MSRB3: variants seen among roughly 807,000 people sequenced by gnomAD.
MSRB3 encodes methionine sulfoxide reductase B3, also known as methionine-R-sulfoxide reductase B3.
MSRB3 carries 13 observed loss-of-function variants against 21.0 expected under a neutral mutation model. The observed-to-expected ratio is 0.62, with a 90% confidence interval of 0.40 to 0.98. MSRB3 has a LOEUF of 0.98. Among genes scored for constraint, MSRB3 ranks in the 50% least tolerant of loss-of-function variants. The pLI is 0.00. For missense variants in MSRB3, 199 were observed against 230.3 expected (o/e 0.86, Z 0.88); for synonymous variants, 87 against 88.6 (o/e 0.98, Z 0.10).
At chr12:65,344,526 G>A (rs1490800111) in intron 4 of MSRB3, among the ~76,000 whole-genome samples, 1 of 151,928 alleles carries the variant, frequency 6.6e-6, no homozygotes, top group Admixed American at 6.6e-5. Context: ...ACTTTAAAAG[G>A]TTTATAGACA....
intron 4 of MSRB3, among the ~76,000 whole-genome samples, chr12:65,354,700 A>C (rs892586335): frequency 6.6e-6 from 1 of 151,968 alleles, no homozygotes; most frequent in East Asian, 1.9e-4. Context: ...CATGGAAGGA[A>C]TGAATAAGGC....
chr12:65,465,556 A>G lies in MSRB3; in HGVS notation c.*2234A>G, dbSNP rs1020530833. On this transcript the variant is annotated 3_prime_UTR_variant, in exon 7 of 7. Transcript: ENST00000308259. Reference sequence around the variant, plus strand: ...TTCCTACATGTCTCTCTCTACAAGCACCTCTCTAAGAAGCCTGACATCCCG... The same window carrying G: ...TTCCTACATGTCTCTCTCTACAAGCGCCTCTCTAAGAAGCCTGACATCCCG... The G allele has an allele frequency of 6.6e-6, 1 of 151,862 alleles. No individual in the cohort carries two copies. Among genetic ancestry groups the G allele is most frequent in the Non-Finnish European group, 1.5e-5 (1 of 67,952 alleles). The allele number at this position is 151,862 out of a possible 1,614,324, so 9.4% of individuals were successfully genotyped here. A position where few individuals can be genotyped will look rare whatever the true frequency, so the allele number is the denominator to read the frequency against.
chr12:65,349,062 C>T (rs865819576), intron 4 of MSRB3, among the ~76,000 whole-genome samples: 6 of 152,076 alleles, frequency 3.9e-5, no homozygotes, highest in South Asian at 4.1e-4. Flanking sequence ...TCCCCCTTCT[C>T]CCCACCCCAC....
chr12:65,385,370 A>G (rs1879152588), intron 5 of MSRB3, among the ~76,000 whole-genome samples: 1 of 151,972 alleles, frequency 6.6e-6, no homozygotes, highest in South Asian at 2.1e-4. Flanking sequence ...TTTCATTATT[A>G]TTTGCGTATT....
chr12:65,396,699 AAAAAAAAAGAAAGAAAGAAAGAAAG>A (rs1409894750), intron 5 of MSRB3, among the ~76,000 whole-genome samples: 7 of 25,050 alleles, frequency 2.8e-4, no homozygotes, highest in Middle Eastern at 0.014. Context: ...CTCAAAAAAA[AAAAAAAAAGAAAGAAAGAAAGAAAG>A]AAAGAAAGAA....
chr12:65,318,733 A>G (rs972779651), intron 2 of MSRB3, among the ~76,000 whole-genome samples: 3 of 152,186 alleles, frequency 2.0e-5, no homozygotes, highest in Middle Eastern at 3.2e-3. Flanking sequence ...AAGACATTTT[A>G]AAAATATTTC....
intron 5 of MSRB3, among the ~76,000 whole-genome samples, chr12:65,446,401 T>C (rs1406884821): frequency 2.6e-5 from 4 of 152,226 alleles, no homozygotes; most frequent in African/African-American, 9.6e-5. Context: ...AAACTTACAC[T>C]GATTTTGATA....
At chr12:65,443,108 A>C (rs956390607) in intron 5 of MSRB3, among the ~76,000 whole-genome samples, 2 of 152,160 alleles carry the variant, frequency 1.3e-5, no homozygotes, top group Non-Finnish European at 2.9e-5. Flanking sequence ...ACTGTGGATG[A>C]AATCCATACC....
chr12:65,404,959 CTT>C (rs762041398), intron 5 of MSRB3, among the ~76,000 whole-genome samples: 9 of 142,296 alleles, frequency 6.3e-5, no homozygotes, highest in African/African-American at 7.7e-5. Flanking sequence ...TTCTACTCAA[CTT>C]TTTTTTTTTT....
chr12:65,306,550 A>G (rs189441651), intron 1 of MSRB3, among the ~76,000 whole-genome samples: 1 of 152,236 alleles, frequency 6.6e-6, no homozygotes, highest in African/African-American at 2.4e-5. Flanking sequence ...ACATTCTTTT[A>G]GGATTAGAAA....
intron 5 of MSRB3, among the ~76,000 whole-genome samples, chr12:65,396,696 A>AG (rs1555209314): frequency 1.4e-3 from 34 of 23,496 alleles, no homozygotes; most frequent in African/African-American, 3.7e-3. Context: ...CATCTCAAAA[A>AG]AAAAAAAAAA....
intron 5 of MSRB3, among the ~76,000 whole-genome samples, chr12:65,440,585 C>T (rs28429120): frequency 6.6e-6 from 1 of 151,818 alleles, no homozygotes; most frequent in South Asian, 2.1e-4. Flanking sequence ...TATCAAAAGA[C>T]TATATAATGC....
At chr12:65,421,657 T>C (rs930059443) in intron 5 of MSRB3, among the ~76,000 whole-genome samples, 6 of 152,204 alleles carry the variant, frequency 3.9e-5, no homozygotes, top group African/African-American at 1.4e-4. Flanking sequence ...AGAAATAAGA[T>C]CTTTTTCAGA....
intron 5 of MSRB3, among the ~76,000 whole-genome samples, chr12:65,404,737 A>T (rs1275798270): frequency 2.6e-5 from 4 of 152,186 alleles, no homozygotes; most frequent in Non-Finnish European, 4.4e-5. Context: ...TAATTTATAT[A>T]TACATACCAC....
intron 4 of MSRB3, among the ~76,000 whole-genome samples, chr12:65,352,605 C>T (rs1877089762): frequency 6.6e-6 from 1 of 151,942 alleles, no homozygotes. Flanking sequence ...TGATAGGCAA[C>T]TTCAGCAAAG....
chr12:65,420,464 T>A (rs1009086057), intron 5 of MSRB3, among the ~76,000 whole-genome samples: 3 of 151,980 alleles, frequency 2.0e-5, no homozygotes, highest in African/African-American at 4.8e-5. Flanking sequence ...TTTATTTTTT[T>A]AAATTTTTAA....
chr12:65,350,365 A>C (rs974280126), intron 4 of MSRB3, among the ~76,000 whole-genome samples: 1 of 151,428 alleles, frequency 6.6e-6, no homozygotes, highest in Non-Finnish European at 1.5e-5. Context: ...CTTTGCCAAA[A>C]TGTAAAGACC....
chr12:65,376,528 A>T (rs906965926), intron 5 of MSRB3, among the ~76,000 whole-genome samples: 2 of 152,168 alleles, frequency 1.3e-5, no homozygotes, highest in African/African-American at 4.8e-5. Flanking sequence ...TGTAGAGAAC[A>T]TTACTGCAAA....
chr12:65,307,859 T>C lies in MSRB3; in HGVS notation c.-51-670T>C, dbSNP rs116602951. ...ATATTTGCCATGCTTTATTCGAACT[T>C]AACGCTGTTTTGAAAGTGAAGTCCC... On this transcript the variant is annotated intron_variant, in intron 1 of 6. Transcript: ENST00000308259. Among the ~76,000 whole-genome samples, 1,246 of 152,290 alleles carry C rather than the reference T, an allele frequency of 8.2e-3. 18 individuals carry two copies. The highest frequency in any genetic ancestry group is 0.029 in the African/African-American group (1,204 of 41,580).
Sources: allele counts gnomAD v4.1 joint callset (sites outside exome capture counted in the v4.1 genomes callset), GRCh38; gene constraint gnomAD v4.1.1; transcripts MANE v1.5; gene names NCBI Gene and HGNC (gene_info 2026-07-23, HGNC 2026-07-21).